Variants in DCLK1 observed in about 807,000 individuals in gnomAD.
DCLK1 encodes serine/threonine-protein kinase DCLK1.
A neutral mutation model predicts 86.2 loss-of-function variants in DCLK1; 16 were observed. That is an observed-to-expected ratio of 0.19 (90% confidence interval 0.13 to 0.28). The LOEUF (loss-of-function observed/expected upper bound fraction) is 0.28. DCLK1 is among the 10% of genes least tolerant of loss of function. The pLI is 1.00. For missense variants in DCLK1, 590 were observed against 940.2 expected, an observed-to-expected ratio of 0.63 and a Z score of 4.87; for synonymous variants, 369 against 370.5, an observed-to-expected ratio of 1.00 and a Z score of 0.05.
chr13:36,086,140 C>A (rs1436542361), intron 3 of DCLK1, among the ~76,000 whole-genome samples: 1 of 152,194 alleles, frequency 6.6e-6, no homozygotes, highest in Non-Finnish European at 1.5e-5. Context: ...CTTCCCCCAT[C>A]CAACTCAGCA....
At chr13:35,926,300 C>T (rs1011647144) in intron 4 of DCLK1, among the ~76,000 whole-genome samples, 3 of 152,278 alleles carry the variant, frequency 2.0e-5, no homozygotes, top group Non-Finnish European at 4.4e-5. Flanking sequence ...TCAAGTGATC[C>T]GCCCTCTTAG....
chr13:35,921,381 A>G (rs1344427043), intron 4 of DCLK1, among the ~76,000 whole-genome samples: 1 of 151,968 alleles, frequency 6.6e-6, no homozygotes, highest in African/African-American at 2.4e-5. Context: ...TCACCCCTAC[A>G]TACCCATGGA....
intron 2 of DCLK1, among the ~76,000 whole-genome samples, chr13:36,114,377 A>G (rs1459483499): frequency 1.3e-5 from 2 of 152,190 alleles, no homozygotes; most frequent in African/African-American, 4.8e-5. Flanking sequence ...AATCAGATTT[A>G]AAGACTGGAA....
intron 3 of DCLK1, among the ~76,000 whole-genome samples, chr13:35,991,650 A>G (rs1457288712): frequency 6.6e-6 from 1 of 152,182 alleles, no homozygotes; most frequent in Non-Finnish European, 1.5e-5. Context: ...GGCAACAGAC[A>G]GACCTTATCT....
At chr13:35,822,944 T>G (rs577262974) in intron 10 of DCLK1, 69 bp from the exon 11 acceptor site, 4 of 1,558,056 alleles carry the variant, frequency 2.6e-6, no homozygotes, top group Non-Finnish European at 3.5e-6. Flanking sequence ...GCAGAGGCCA[T>G]TGACAAACCC....
chr13:35,857,454 G>T (rs932859355), intron 5 of DCLK1, among the ~76,000 whole-genome samples: 1 of 152,012 alleles, frequency 6.6e-6, no homozygotes, highest in African/African-American at 2.4e-5. Flanking sequence ...CACAAAGGGG[G>T]TTTCTCTAGC....
At chr13:35,858,282 A>G (rs1201101165) in intron 5 of DCLK1, among the ~76,000 whole-genome samples, 1 of 152,160 alleles carries the variant, frequency 6.6e-6, no homozygotes, top group Non-Finnish European at 1.5e-5. Context: ...AGAACCTGGT[A>G]ATTGATTGGC....
chr13:35,794,727 C>A (rs1044170903), intron 15 of DCLK1, among the ~76,000 whole-genome samples: 4 of 152,222 alleles, frequency 2.6e-5, no homozygotes, highest in Non-Finnish European at 4.4e-5. Flanking sequence ...TGTTCCAAGG[C>A]ATTTATCCCC....
intron 3 of DCLK1, among the ~76,000 whole-genome samples, chr13:36,083,940 G>C (rs1884506203): frequency 6.6e-6 from 1 of 152,104 alleles, no homozygotes; most frequent in Non-Finnish European, 1.5e-5. Flanking sequence ...TTACTTTGCT[G>C]TTGCTATTTT....
chr13:35,894,650 C>T (rs956717105), intron 4 of DCLK1, among the ~76,000 whole-genome samples: 3 of 152,090 alleles, frequency 2.0e-5, no homozygotes, highest in Admixed American at 6.5e-5. Context: ...AGGTGCTCAG[C>T]GGAGGGGTGG....
intron 3 of DCLK1, among the ~76,000 whole-genome samples, chr13:36,039,096 T>C (rs1593838902): frequency 1.3e-5 from 2 of 152,330 alleles, no homozygotes; most frequent in African/African-American, 2.4e-5. Context: ...GTCACTGTTG[T>C]AGAAGATGCA....
At chr13:35,849,607 A>C (rs1250935462) in intron 6 of DCLK1, 1 of 978,268 alleles carries the variant, frequency 1.0e-6, no homozygotes, top group African/African-American at 1.8e-5. Context: ...GACGACTATA[A>C]TTTTTAAAAT....
chr13:35,961,676 C>T (rs142490863), intron 3 of DCLK1, among the ~76,000 whole-genome samples: 2 of 152,258 alleles, frequency 1.3e-5, no homozygotes, highest in East Asian at 1.9e-4. Context: ...CATTTGTCCA[C>T]GCCAATCATA....
intron 3 of DCLK1, among the ~76,000 whole-genome samples, chr13:35,982,307 G>C (rs143763064): frequency 6.6e-6 from 1 of 151,896 alleles, no homozygotes; most frequent in African/African-American, 2.4e-5. Flanking sequence ...TTGAGCCCAG[G>C]AGTTCGTGGC....
chr13:35,812,831 C>G (rs988192156), intron 11 of DCLK1, among the ~76,000 whole-genome samples: 3 of 152,228 alleles, frequency 2.0e-5, no homozygotes, highest in African/African-American at 7.2e-5. Flanking sequence ...GCAAAAACAG[C>G]CATATGTCCC....
At position 35,808,257 on chromosome 13, in the gene DCLK1, A is replaced by T. The variant is rs2087069539; in HGVS notation, c.1830T>A (p.Ser610=). The T allele has an allele frequency of 6.2e-7, 1 of 1,613,962 alleles. No homozygotes were observed. The highest frequency in any genetic ancestry group is 1.1e-5 in the South Asian group (1 of 91,084). Residue 610 remains serine (S), a synonymous_variant, in exon 14 of 17, where the codon TCT becomes TCA. Coordinates refer to ENST00000360631, the MANE Select transcript of DCLK1 (RefSeq NM_001330071.2). The part of the protein sequence containing the change: ...QILMGQVDFP[S]PYWDNVSDSA... ...AATCGGAAACATTATCCCAGTATGGAGAAGGAAAGTCCACCTGCCCCATCA... is the reference window on the plus strand; with the variant it reads ...AATCGGAAACATTATCCCAGTATGGTGAAGGAAAGTCCACCTGCCCCATCA...
At chr13:36,129,868 G>A (rs1391271733) in intron 1 of DCLK1, among the ~76,000 whole-genome samples, 2 of 152,014 alleles carry the variant, frequency 1.3e-5, no homozygotes, top group Admixed American at 6.6e-5. Context: ...GATTGTTCTC[G>A]GTGGGATTTC....
intron 5 of DCLK1, among the ~76,000 whole-genome samples, chr13:35,867,953 G>GAAAGAAAGAAA (rs1871963026): frequency 1.4e-5 from 2 of 145,584 alleles, no homozygotes; most frequent in African/African-American, 5.1e-5. Context: ...AAGAAAGAAA[G>GAAAGAAAGAAA]AAAGAAAGAA....
At chr13:35,985,020 A>G (rs2031614) in intron 3 of DCLK1, among the ~76,000 whole-genome samples, 1 of 152,214 alleles carries the variant, frequency 6.6e-6, no homozygotes, top group African/African-American at 2.4e-5. Context: ...AAGCGTTTGC[A>G]GTCGCTACAG....
Sources: allele counts gnomAD v4.1 joint callset (sites outside exome capture counted in the v4.1 genomes callset), GRCh38; gene constraint gnomAD v4.1.1; transcripts MANE v1.5; gene names NCBI Gene and HGNC (gene_info 2026-07-23, HGNC 2026-07-21).